The following PELI2 variants were observed in gnomAD, a reference collection of about 807,000 sequenced individuals.
The protein encoded by PELI2 is pellino E3 ubiquitin protein ligase family member 2.
PELI2 carries 23 observed loss-of-function variants against 42.3 expected under a neutral mutation model. The observed-to-expected ratio is 0.54, with a 90% confidence interval of 0.39 to 0.77. PELI2 has a LOEUF of 0.77. Among genes scored for constraint, PELI2 ranks in the 30% least tolerant of loss-of-function variants. The pLI is 0.00. For synonymous variants in PELI2, 245 were observed against 212.2 expected, an observed-to-expected ratio of 1.15 and a Z score of -1.34; for missense variants, 463 against 553.2, an observed-to-expected ratio of 0.84 and a Z score of 1.64.
chr14:56,173,119 T>G (rs929339531), intron 1 of PELI2, among the ~76,000 whole-genome samples: 1 of 152,194 alleles, frequency 6.6e-6, no homozygotes, highest in Non-Finnish European at 1.5e-5. Context: ...TAACTTCAGT[T>G]GCCTCCTCCA....
intron 2 of PELI2, among the ~76,000 whole-genome samples, chr14:56,193,965 G>C (rs1393802841): frequency 6.6e-6 from 1 of 152,154 alleles, no homozygotes; most frequent in East Asian, 1.9e-4. Context: ...GGATTGCTTA[G>C]CTAGCTTGAG....
chr14:56,299,250 T>C lies in PELI2; in HGVS notation c.*2084T>C, dbSNP rs2139917587. On this transcript the variant is annotated 3_prime_UTR_variant, in exon 6 of 6. Coordinates refer to ENST00000267460, the MANE Select transcript of PELI2 (RefSeq NM_021255.3). ...CAGAGAGTTAGGTATATCATAATTT[T>C]CCATTTCAAGTCCTGTTTATAAGTC... is the stretch of plus-strand genomic sequence containing the variant. 6.6e-6 allele frequency: 1 copy of C among 152,338 alleles called. No individual in the cohort carries two copies. The highest frequency in any genetic ancestry group is 2.1e-4 in the South Asian group (1 of 4,826). The allele number at this position is 152,338 out of a possible 1,614,324, so 9.4% of individuals were successfully genotyped here.
intron 2 of PELI2, among the ~76,000 whole-genome samples, chr14:56,216,532 A>G (rs1313297732): frequency 1.3e-5 from 2 of 152,264 alleles, no homozygotes; most frequent in Non-Finnish European, 2.9e-5. Flanking sequence ...CTAAAGGCAG[A>G]TATTTCACAG....
Position 56,288,331 on chromosome 14 carries a change from C to A in PELI2, c.310-106C>A. 1.2e-6 allele frequency: 1 copy of A among 806,398 alleles called. No individual in the cohort carries two copies. Among genetic ancestry groups the A allele is most frequent in the Non-Finnish European group, 2.1e-6 (1 of 486,954 alleles). 50.0% of individuals were successfully genotyped at this position (806,398 alleles called of 1,614,324 possible). ...TTGCATTAAATTCTAACCCTCAGAA[C>A]AAGGATAGTGAATGTTAAAGGAATC... is the stretch of plus-strand genomic sequence containing the variant. On this transcript the variant is annotated intron_variant, in intron 3 of 5. Coordinates refer to ENST00000267460, the MANE Select transcript of PELI2 (RefSeq NM_021255.3). The surrounding 1 kb of genome is among the most constrained non-coding windows in gnomAD (Gnocchi z 4.6).
At position 56,118,471 on chromosome 14, in the gene PELI2, GCGGAGCAGCCGCGCAGCCACGA is replaced by G; in HGVS notation, c.-180_-159del. On this transcript the variant is annotated 5_prime_UTR_variant, in exon 1 of 6. Coordinates refer to ENST00000267460, the MANE Select transcript of PELI2 (RefSeq NM_021255.3). ...GGCGCGCGGAGCTCCGGGGAGTCAG[GCGGAGCAGCCGCGCAGCCACGA>G]CGGAGCAGCAGCGGGACTGGCCGCC... 3.0e-6 allele frequency: 1 copy of G among 336,820 alleles called. No homozygotes were observed. The highest frequency in any genetic ancestry group is 5.3e-6 in the Non-Finnish European group (1 of 189,324). The allele number at this position is 336,820 out of a possible 1,614,324, so 20.9% of individuals were successfully genotyped here.
rs970383389 is a variant in PELI2 at position 56,300,142 on chromosome 14, A to G, written c.*2976A>G. On this transcript the variant is annotated 3_prime_UTR_variant, in exon 6 of 6. Coordinates refer to ENST00000267460, the MANE Select transcript of PELI2 (RefSeq NM_021255.3). ...ATCTGTTAATATAAATAGAGAACAT[A>G]TTTATCATTCCTCGATAGTTAATTA... 1 of 152,652 alleles carries G rather than the reference A, an allele frequency of 6.6e-6. No individual in the cohort carries two copies. Among genetic ancestry groups the G allele is most frequent in the Admixed American group, 6.5e-5 (1 of 15,284 alleles). 9.5% of individuals were successfully genotyped at this position (152,652 alleles called of 1,614,324 possible). A position where few individuals can be genotyped will look rare whatever the true frequency, so the allele number is the denominator to read the frequency against.
At chr14:56,293,052 G>A (rs567942173) in intron 5 of PELI2, 1 of 153,524 alleles carries the variant, frequency 6.5e-6, no homozygotes, top group Non-Finnish European at 1.4e-5. Flanking sequence ...GCTCTAGCAG[G>A]TGCATTACAT....
At chr14:56,295,937 A>G (rs1232833929) in intron 5 of PELI2, among the ~76,000 whole-genome samples, 1 of 152,254 alleles carries the variant, frequency 6.6e-6, no homozygotes, top group Non-Finnish European at 1.5e-5. Flanking sequence ...TGCATCTGGC[A>G]TGTGGAGGCA....
At chr14:56,217,454 T>G (rs1310638856) in intron 2 of PELI2, among the ~76,000 whole-genome samples, 3 of 152,190 alleles carry the variant, frequency 2.0e-5, no homozygotes, top group Non-Finnish European at 4.4e-5. Flanking sequence ...AGAGGAGGAC[T>G]CCTCTGGCAG....
chr14:56,196,608 T>G lies in PELI2; in HGVS notation c.207+18144T>G, dbSNP rs557477957. On this transcript the variant is annotated intron_variant, in intron 2 of 5. Coordinates refer to ENST00000267460, the MANE Select transcript of PELI2 (RefSeq NM_021255.3). Reference sequence around the variant, plus strand: ...CACTGTGATTGTATTATACTGCCCATTTGAAAAATGGCCGATAGGATCATT... The same window carrying G: ...CACTGTGATTGTATTATACTGCCCAGTTGAAAAATGGCCGATAGGATCATT... Among the ~76,000 whole-genome samples the G allele has an allele frequency of 5.6e-4, 86 of 152,346 alleles. 1 individual carries two copies. In the South Asian group the frequency reaches 0.017, roughly 30 times the overall value.
At chr14:56,282,612 A>T (rs940230435) in intron 3 of PELI2, among the ~76,000 whole-genome samples, 19 of 151,958 alleles carry the variant, frequency 1.3e-4, no homozygotes, top group African/African-American at 3.4e-4. Context: ...GATAAAATAT[A>T]TAGTCATATT....
At chr14:56,229,700 G>A (rs142979625) in intron 2 of PELI2, among the ~76,000 whole-genome samples, 1,551 of 152,286 alleles carry the variant, frequency 0.01, 9 homozygotes, top group Non-Finnish European at 0.015. Flanking sequence ...TCCCCCAAAG[G>A]AATGCAGCTC....
At chr14:56,202,329 G>C (rs570655998) in intron 2 of PELI2, among the ~76,000 whole-genome samples, 3 of 130,998 alleles carry the variant, frequency 2.3e-5, no homozygotes, top group South Asian at 2.8e-4. Context: ...CTGCCTTTAA[G>C]AGTTGCTTTT....
chr14:56,222,806 A>G (rs188101727), intron 2 of PELI2, among the ~76,000 whole-genome samples: 142 of 152,322 alleles, frequency 9.3e-4, no homozygotes, highest in Non-Finnish European at 1.2e-3. Context: ...GGTAGATTTC[A>G]GCTTCTTGTG....
At chr14:56,234,478 A>G (rs1887710080) in intron 2 of PELI2, among the ~76,000 whole-genome samples, 1 of 152,176 alleles carries the variant, frequency 6.6e-6, no homozygotes, top group Non-Finnish European at 1.5e-5. Context: ...GGAAACCATC[A>G]TTCTGAGCAA....
chr14:56,271,293 T>C (rs912020279), intron 2 of PELI2, among the ~76,000 whole-genome samples: 2 of 152,204 alleles, frequency 1.3e-5, no homozygotes, highest in Admixed American at 1.3e-4. Flanking sequence ...TCAGAAGTTG[T>C]TTCTGAATAA....
chr14:56,228,772 A>ACGGAGTGTG (rs1161827946), intron 2 of PELI2, among the ~76,000 whole-genome samples: 3 of 152,224 alleles, frequency 2.0e-5, no homozygotes, highest in African/African-American at 7.2e-5. Context: ...GGTGCAGCCC[A>ACGGAGTGTG]CGGAGTGTGA....
intron 2 of PELI2, among the ~76,000 whole-genome samples, chr14:56,272,462 G>A (rs548628333): frequency 1.5e-4 from 23 of 152,228 alleles, no homozygotes; most frequent in African/African-American, 5.5e-4. Context: ...ATACCTCTTT[G>A]GTATACATCA....
At chr14:56,145,579 G>A (rs1884084919) in intron 1 of PELI2, among the ~76,000 whole-genome samples, 2 of 152,114 alleles carry the variant, frequency 1.3e-5, no homozygotes, top group African/African-American at 2.4e-5. Context: ...TTGAGAGCAG[G>A]ATAACTCCCC....
Sources: allele counts gnomAD v4.1 joint callset (sites outside exome capture counted in the v4.1 genomes callset), GRCh38; gene constraint gnomAD v4.1.1; non-coding constraint Gnocchi (gnomAD v3.1); transcripts MANE v1.5; gene names NCBI Gene and HGNC (gene_info 2026-07-23, HGNC 2026-07-21).